Variants in SNX24 observed in about 807,000 individuals in gnomAD.
The protein encoded by SNX24 is sorting nexin-24.
Under a neutral mutation model 28.7 loss-of-function variants are expected in SNX24, and 22 were observed. The ratio of observed to expected loss-of-function variants is 0.77; its 90% CI spans 0.55 to 1.10. The LOEUF is 1.10. Ranked by LOEUF, SNX24 falls within the 50% of genes least tolerant of loss-of-function variation. The pLI is 0.00. For synonymous variants in SNX24, 69 were observed against 71.5 expected (o/e 0.96, Z 0.18); for missense variants, 221 against 201.1 (o/e 1.10, Z -0.60).
rs868030879 is a variant in SNX24, at chr5:122,980,402, G to C, written c.250-19510G>C. On this transcript the variant is annotated intron_variant, in intron 3 of 6. Transcript: ENST00000261369. Reference sequence around the variant, plus strand: ...CTATTTTTCTTGTTTGTGGAGGAGAGAGGCAAGTTCACTTTGCTTGATCCC... The same window carrying C: ...CTATTTTTCTTGTTTGTGGAGGAGACAGGCAAGTTCACTTTGCTTGATCCC... Among the ~76,000 whole-genome samples the C allele has an allele frequency of 6.6e-4, 101 of 152,118 alleles. 2 individuals carry two copies. The highest frequency in any genetic ancestry group is 2.4e-3 in the African/African-American group (99 of 41,414).
At chr5:122,949,707 G>A (rs1759847288) in intron 3 of SNX24, among the ~76,000 whole-genome samples, 1 of 152,146 alleles carries the variant, frequency 6.6e-6, no homozygotes, top group Admixed American at 6.5e-5. Context: ...ACAATAGTAT[G>A]AAGGTTACAT....
chr5:122,847,894 G>A (rs542405655), intron 1 of SNX24, among the ~76,000 whole-genome samples: 2 of 151,832 alleles, frequency 1.3e-5, no homozygotes, highest in African/African-American at 2.4e-5. Context: ...ATTGTACAGC[G>A]GTTTTTCATT....
chr5:122,906,367 G>A (rs896735468), intron 1 of SNX24, among the ~76,000 whole-genome samples: 10 of 152,228 alleles, frequency 6.6e-5, no homozygotes, highest in African/African-American at 2.2e-4. Flanking sequence ...TGTGAGTACA[G>A]CATAGTGGGT....
chr5:122,921,472 A>T (rs140388291), intron 1 of SNX24, among the ~76,000 whole-genome samples: 1 of 152,138 alleles, frequency 6.6e-6, no homozygotes, highest in East Asian at 1.9e-4. Flanking sequence ...TTTTAAGTCT[A>T]TGTGTCCTGA....
chr5:122,964,247 CA>C lies in SNX24; in HGVS notation c.249+18113del, dbSNP rs34174497. Among the ~76,000 whole-genome samples, 223 of 36,564 alleles carry C rather than the reference CA, an allele frequency of 6.1e-3. 4 individuals are homozygous for C. The East Asian group carries it at 0.083, about 14-fold the overall frequency. 24.0% of individuals were successfully genotyped at this position (36,564 alleles called of 152,430 possible). A position where few individuals can be genotyped will look rare whatever the true frequency, so the allele number is the denominator to read the frequency against. On this transcript the variant is annotated intron_variant, in intron 3 of 6. Transcript: ENST00000261369. ...GGGCGACAAGAACAAGACTCCATCT[CA>C]AAAAAAAAAAAAAAAAAAAAAAAAG...
chr5:122,926,031 A>G (rs968179244), intron 1 of SNX24, among the ~76,000 whole-genome samples: 2 of 148,258 alleles, frequency 1.3e-5, no homozygotes, highest in Non-Finnish European at 3.0e-5. Flanking sequence ...GTGTGTGTGC[A>G]TGCACACACC....
intron 1 of SNX24, among the ~76,000 whole-genome samples, chr5:122,874,421 T>TG (rs1478007699): frequency 6.6e-6 from 1 of 152,194 alleles, no homozygotes; most frequent in African/African-American, 2.4e-5. Context: ...GTGTGAAAGA[T>TG]AGGAAAGCAG....
chr5:122,866,597 G>T (rs1001812548), intron 1 of SNX24, among the ~76,000 whole-genome samples: 8 of 152,108 alleles, frequency 5.3e-5, no homozygotes, highest in Non-Finnish European at 7.3e-5. Context: ...CCTGAATTGG[G>T]TTGCTGCAGT....
At chr5:122,881,471 C>G (rs553266276) in intron 1 of SNX24, among the ~76,000 whole-genome samples, 1 of 152,028 alleles carries the variant, frequency 6.6e-6, no homozygotes, top group East Asian at 1.9e-4. Flanking sequence ...TATCCCAGAC[C>G]TGCAAAATCG....
At chr5:122,943,654 A>G (rs1447743481) in intron 2 of SNX24, among the ~76,000 whole-genome samples, 1 of 152,174 alleles carries the variant, frequency 6.6e-6, no homozygotes, top group East Asian at 1.9e-4. Context: ...GACCACCCTC[A>G]GGTCCTAGCC....
chr5:122,903,941 A>G (rs879559261), intron 1 of SNX24, among the ~76,000 whole-genome samples: 3 of 152,196 alleles, frequency 2.0e-5, no homozygotes, highest in Non-Finnish European at 2.9e-5. Flanking sequence ...ATTACATTAA[A>G]AGATACATAA....
chr5:123,011,676 G>T (rs1762581609), downstream of SNX24, among the ~76,000 whole-genome samples: 1 of 152,226 alleles, frequency 6.6e-6, no homozygotes, highest in Non-Finnish European at 1.5e-5. Context: ...AATAACAAGT[G>T]TTGGTGAGGA....
chr5:122,929,906 G>A (rs368296550), intron 1 of SNX24, among the ~76,000 whole-genome samples: 1 of 151,460 alleles, frequency 6.6e-6, no homozygotes, highest in African/African-American at 2.4e-5. Flanking sequence ...ATTCAAAGAA[G>A]GTTCCTGAAT....
chr5:122,890,556 G>A (rs183961298), intron 1 of SNX24, among the ~76,000 whole-genome samples: 11 of 147,210 alleles, frequency 7.5e-5, no homozygotes, highest in Admixed American at 6.9e-4. Context: ...TACAACCTCC[G>A]CCTCCTAGGT....
downstream of SNX24, among the ~76,000 whole-genome samples, chr5:123,010,639 A>G (rs558679955): frequency 6.6e-6 from 1 of 152,244 alleles, no homozygotes; most frequent in African/African-American, 2.4e-5. Context: ...AAATATATAA[A>G]ACTATAGATA....
chr5:122,973,656 C>T (rs1253603917), intron 3 of SNX24, among the ~76,000 whole-genome samples: 1 of 152,220 alleles, frequency 6.6e-6, no homozygotes, highest in Non-Finnish European at 1.5e-5. Flanking sequence ...TGGTGAAAAG[C>T]TGCTGTGCAT....
At chr5:122,987,952 A>T (rs1581837297) in intron 3 of SNX24, among the ~76,000 whole-genome samples, 2 of 152,222 alleles carry the variant, frequency 1.3e-5, no homozygotes, top group South Asian at 4.1e-4. Context: ...AAGCTTTTTA[A>T]AGAGAAGTTA....
downstream of SNX24, chr5:123,009,279 A>G: frequency 2.1e-6 from 2 of 946,844 alleles, no homozygotes; most frequent in Non-Finnish European, 2.5e-6. Context: ...ACACACACAC[A>G]TATGTGCACA....
intron 3 of SNX24, among the ~76,000 whole-genome samples, chr5:122,970,710 C>T (rs1011683286): frequency 7.9e-5 from 12 of 152,132 alleles, no homozygotes; most frequent in Admixed American, 2.0e-4. Flanking sequence ...CCTCGTGATC[C>T]GCCCGTCTTG....
Sources: gnomAD v4.1 joint callset for allele counts (sites outside exome capture counted in the v4.1 genomes callset) on GRCh38, gnomAD v4.1.1 for gene constraint, MANE v1.5 for transcripts, NCBI Gene and HGNC (gene_info 2026-07-23, HGNC 2026-07-21) for gene names.